The following PTPRD variants were observed in gnomAD, a reference collection of about 807,000 sequenced individuals.
The protein encoded by PTPRD is receptor-type tyrosine-protein phosphatase delta.
PTPRD carries 34 observed loss-of-function variants against 214.5 expected under a neutral mutation model. The observed-to-expected ratio is 0.16, with a 90% CI of 0.12 to 0.21. PTPRD has a LOEUF of 0.21. PTPRD is among the 10% of genes least tolerant of loss of function. PTPRD has a pLI of 1.00. For synonymous variants in PTPRD, 1,128 were observed against 845.7 expected (o/e 1.33, Z -5.79); for missense variants, 2,545 against 2,398.7 (o/e 1.06, Z -1.27).
intron 2 of PTPRD, among the ~76,000 whole-genome samples, chr9:10,496,478 T>C (rs1566517185): frequency 6.6e-6 from 1 of 151,980 alleles, no homozygotes; most frequent in East Asian, 1.9e-4. Flanking sequence ...TATTTGACAT[T>C]TGCAACATTA....
chr9:10,040,875 G>GA (rs2097284994), intron 3 of PTPRD, among the ~76,000 whole-genome samples: 1 of 152,068 alleles, frequency 6.6e-6, no homozygotes, highest in African/African-American at 2.4e-5. Context: ...TTGAAAATTA[G>GA]ATAATCTGCT....
chr9:10,503,854 C>A (rs1375535206), intron 2 of PTPRD, among the ~76,000 whole-genome samples: 1 of 151,824 alleles, frequency 6.6e-6, no homozygotes, highest in African/African-American at 2.4e-5. Flanking sequence ...CGGGGGCTCA[C>A]ACCTGTAATC....
At chr9:9,961,652 T>A (rs1196762771) in intron 4 of PTPRD, among the ~76,000 whole-genome samples, 1 of 151,960 alleles carries the variant, frequency 6.6e-6, no homozygotes, top group East Asian at 1.9e-4. Context: ...TATGACAGAG[T>A]GTGGGAAGCA....
intron 9 of PTPRD, among the ~76,000 whole-genome samples, chr9:9,358,122 T>G (rs1040418083): frequency 6.6e-6 from 1 of 151,288 alleles, no homozygotes; most frequent in African/African-American, 2.4e-5. Context: ...AATCTTTTGT[T>G]TGAAGACCTT....
chr9:10,136,141 G>A (rs2098941498), intron 3 of PTPRD, among the ~76,000 whole-genome samples: 1 of 151,536 alleles, frequency 6.6e-6, no homozygotes, highest in Non-Finnish European at 1.5e-5. Context: ...GACAGAGCAA[G>A]ACATTACATA....
chr9:9,114,020 G>A (rs80054858), intron 10 of PTPRD, among the ~76,000 whole-genome samples: 2,412 of 152,210 alleles, frequency 0.016, 43 homozygotes, highest in East Asian at 0.069. Flanking sequence ...CAAGTGGGCT[G>A]TTTCTGGCAA....
At chr9:8,965,042 T>A (rs1451871582) in intron 11 of PTPRD, among the ~76,000 whole-genome samples, 1 of 152,056 alleles carries the variant, frequency 6.6e-6, no homozygotes, top group Non-Finnish European at 1.5e-5. Context: ...CATGTAGATG[T>A]CTATTAAGTC....
chr9:10,461,817 T>C (rs2098961078), intron 2 of PTPRD, among the ~76,000 whole-genome samples: 2 of 152,054 alleles, frequency 1.3e-5, no homozygotes, highest in African/African-American at 4.8e-5. Context: ...AGACGGGGTT[T>C]AACCATGTTG....
chr9:9,048,108 T>C (rs1169388534), intron 10 of PTPRD, among the ~76,000 whole-genome samples: 1 of 152,158 alleles, frequency 6.6e-6, no homozygotes, highest in Non-Finnish European at 1.5e-5. Flanking sequence ...TGATATCTTC[T>C]CAGCCCTAGT....
chr9:8,966,506 G>A (rs1412027835), intron 11 of PTPRD, among the ~76,000 whole-genome samples: 1 of 151,882 alleles, frequency 6.6e-6, no homozygotes, highest in Non-Finnish European at 1.5e-5. Context: ...ATAACCAGTG[G>A]GGAAAGGACT....
Position 8,889,868 on chromosome 9 carries a change from C to T in PTPRD, c.-104+128829G>A, listed in dbSNP as rs144231416. Among the ~76,000 whole-genome samples, 457 of 152,214 alleles carry T rather than the reference C, an allele frequency of 3.0e-3. 8 individuals are homozygous for T. The highest frequency in any genetic ancestry group is 0.01 in the African/African-American group (427 of 41,530). On this transcript the variant is annotated intron_variant, in intron 11 of 45. Coordinates refer to ENST00000381196, the MANE Select transcript of PTPRD (RefSeq NM_002839.4). The stretch of plus-strand genomic sequence containing the variant: ...CTTTATCCACTTGTTGGTTGATAGG[C>T]ATTTGGGTTGGTTCCATATTTTTGC...
At chr9:10,439,285 C>T (rs550954637) in intron 2 of PTPRD, among the ~76,000 whole-genome samples, 5 of 151,894 alleles carry the variant, frequency 3.3e-5, no homozygotes, top group African/African-American at 4.8e-5. Context: ...AAAAAGGATG[C>T]CCCAAGCATT....
intron 11 of PTPRD, among the ~76,000 whole-genome samples, chr9:8,933,478 A>T (rs1304500489): frequency 1.3e-5 from 2 of 151,396 alleles, no homozygotes; most frequent in Non-Finnish European, 2.9e-5. Context: ...ACATGAGTAC[A>T]TTTTATCTTG....
intron 7 of PTPRD, among the ~76,000 whole-genome samples, chr9:9,651,826 GTTTTTTT>G (rs869105633): frequency 1.6e-4 from 9 of 55,082 alleles, no homozygotes; most frequent in East Asian, 6.2e-4. Flanking sequence ...TTCAAGGTTT[GTTTTTTT>G]TTTTTTTTTT....
At chr9:9,600,055 A>G (rs1194838978) in intron 7 of PTPRD, among the ~76,000 whole-genome samples, 2 of 152,018 alleles carry the variant, frequency 1.3e-5, no homozygotes, top group Non-Finnish European at 2.9e-5. Context: ...GTTACAATAA[A>G]TTTTTGAAAC....
intron 8 of PTPRD, among the ~76,000 whole-genome samples, chr9:9,434,164 A>C (rs1307168562): frequency 6.6e-6 from 1 of 152,194 alleles, no homozygotes; most frequent in Admixed American, 6.6e-5. Context: ...AACTGAATCA[A>C]TGAAAACTAA....
chr9:8,366,238 G>A (rs990916204), intron 39 of PTPRD, among the ~76,000 whole-genome samples: 1 of 152,102 alleles, frequency 6.6e-6, no homozygotes, highest in Non-Finnish European at 1.5e-5. Flanking sequence ...CATTGGAATG[G>A]AAGAGCCACA....
At chr9:9,713,520 C>A (rs2097770417) in intron 7 of PTPRD, among the ~76,000 whole-genome samples, 1 of 152,076 alleles carries the variant, frequency 6.6e-6, no homozygotes, top group Non-Finnish European at 1.5e-5. Flanking sequence ...ATGCCAAGTG[C>A]AAACTATAGG....
At position 8,636,890 on chromosome 9, in the gene PTPRD, C is replaced by G. The variant is rs769191129; in HGVS notation, c.65-46G>C. ...CACAGTTAAATTGAAAACTGAAATA[C>G]AGACTATTATCCTACTACCGCTGCT... On this transcript the variant is annotated intron_variant, in intron 12 of 45. Coordinates refer to ENST00000381196, the MANE Select transcript of PTPRD (RefSeq NM_002839.4). The G allele has an allele frequency of 5.6e-6, 9 of 1,596,744 alleles. No homozygotes were observed. In the South Asian group the frequency reaches 1.0e-4, roughly 18 times the overall value.
Sources: allele counts gnomAD v4.1 joint callset (sites outside exome capture counted in the v4.1 genomes callset), GRCh38; gene constraint gnomAD v4.1.1; transcripts MANE v1.5; gene names NCBI Gene and HGNC (gene_info 2026-07-23, HGNC 2026-07-21).